The following SHB variants were observed in gnomAD, a reference collection of about 807,000 sequenced individuals.
SHB encodes the protein SH2 domain containing adaptor protein B, also known as SH2 domain-containing adapter protein B.
A neutral mutation model predicts 52.3 loss-of-function variants in SHB; 20 were observed. That is an observed-to-expected ratio of 0.38 (90% CI 0.27 to 0.56). The LOEUF (loss-of-function observed/expected upper bound fraction) is 0.56. Among genes scored for constraint, SHB ranks in the 20% least tolerant of loss-of-function variants. The probability of loss-of-function intolerance (pLI) is 0.71; values close to 1 mark genes in which losing one functional copy is unlikely to be tolerated. For missense variants in SHB, 825 were observed against 723.3 expected, an observed-to-expected ratio of 1.14 and a Z score of -1.61; for synonymous variants, 397 against 316.5, an observed-to-expected ratio of 1.25 and a Z score of -2.70.
intron 1 of SHB, among the ~76,000 whole-genome samples, chr9:38,057,088 G>C (rs1280041410): frequency 6.6e-6 from 1 of 152,088 alleles, no homozygotes; most frequent in African/African-American, 2.4e-5. Context: ...TCAACCCCAA[G>C]GAAATAATCA....
intron 1 of SHB, among the ~76,000 whole-genome samples, chr9:38,046,694 G>A (rs1821656643): frequency 6.6e-6 from 1 of 152,254 alleles, no homozygotes; most frequent in Non-Finnish European, 1.5e-5. Flanking sequence ...GGAAGGAATT[G>A]AAATCGCAAT....
intron 2 of SHB, among the ~76,000 whole-genome samples, chr9:37,984,554 G>A (rs899949170): frequency 6.6e-6 from 1 of 152,138 alleles, no homozygotes; most frequent in Non-Finnish European, 1.5e-5. Context: ...GGGCTCTCCT[G>A]GCCTTTTCCA....
intron 5 of SHB, among the ~76,000 whole-genome samples, chr9:37,921,306 C>G (rs1370196820): frequency 3.3e-5 from 5 of 152,180 alleles, no homozygotes; most frequent in Non-Finnish European, 5.9e-5. Flanking sequence ...TCCGCTCCAG[C>G]TCCGCCCCTA....
chr9:37,966,119 G>A (rs1251982489), intron 3 of SHB, among the ~76,000 whole-genome samples: 2 of 152,162 alleles, frequency 1.3e-5, no homozygotes, highest in Non-Finnish European at 2.9e-5. Flanking sequence ...GATTACAGGC[G>A]TAAGCCACTG....
chr9:38,053,494 C>T (rs1821778450), intron 1 of SHB, among the ~76,000 whole-genome samples: 1 of 152,178 alleles, frequency 6.6e-6, no homozygotes, highest in Admixed American at 6.5e-5. Context: ...ACCCCAGTCT[C>T]CCAAAGTGCT....
At chr9:37,979,928 A>T (rs923942918) in intron 2 of SHB, among the ~76,000 whole-genome samples, 1 of 152,250 alleles carries the variant, frequency 6.6e-6, no homozygotes, top group African/African-American at 2.4e-5. Context: ...AAAAAAATGT[A>T]GAACCTTAAT....
chr9:37,960,576 G>C (rs1045374694), intron 3 of SHB, among the ~76,000 whole-genome samples: 2 of 152,146 alleles, frequency 1.3e-5, no homozygotes, highest in Non-Finnish European at 2.9e-5. Flanking sequence ...GAGAGAGGCT[G>C]GTCAATGTTT....
chr9:37,976,465 T>A (rs1820654496), intron 2 of SHB, among the ~76,000 whole-genome samples: 3 of 152,192 alleles, frequency 2.0e-5, no homozygotes, highest in African/African-American at 7.2e-5. Context: ...CCTGTACCCA[T>A]TAAACACTAA....
intron 5 of SHB, among the ~76,000 whole-genome samples, chr9:37,920,903 G>C (rs192693250): frequency 3.9e-4 from 60 of 152,276 alleles, no homozygotes; most frequent in Non-Finnish European, 7.4e-4. Flanking sequence ...AAAAGCAGTG[G>C]GTGGGTTTCT....
At chr9:38,010,405 T>A (rs1467553051) in intron 2 of SHB, among the ~76,000 whole-genome samples, 1 of 152,158 alleles carries the variant, frequency 6.6e-6, no homozygotes, top group East Asian at 1.9e-4. Context: ...TGCCTTTAGG[T>A]TAACTTGGGC....
At chr9:37,954,441 A>G (rs2117908637) in intron 4 of SHB, among the ~76,000 whole-genome samples, 1 of 152,116 alleles carries the variant, frequency 6.6e-6, no homozygotes, top group South Asian at 2.1e-4. Flanking sequence ...TGCCTACTCC[A>G]TACCAGGCAA....
chr9:37,938,276 C>T (rs1212467927), intron 5 of SHB, among the ~76,000 whole-genome samples: 2 of 152,106 alleles, frequency 1.3e-5, no homozygotes, highest in Non-Finnish European at 2.9e-5. Context: ...TGGTGGGATT[C>T]AGGCTGTAAT....
intron 5 of SHB, among the ~76,000 whole-genome samples, chr9:37,934,292 C>T (rs1371242311): frequency 6.6e-6 from 1 of 152,076 alleles, no homozygotes; most frequent in African/African-American, 2.4e-5. Context: ...TGCATGGGGC[C>T]GAGAGCTTTT....
At chr9:38,063,439 C>T (rs1160721343) in intron 1 of SHB, among the ~76,000 whole-genome samples, 2 of 152,238 alleles carry the variant, frequency 1.3e-5, no homozygotes, top group African/African-American at 4.8e-5. Context: ...CCTCTCCAGC[C>T]TCCAGGCCAT....
intron 5 of SHB, among the ~76,000 whole-genome samples, chr9:37,941,590 A>C (rs1016000825): frequency 2.0e-5 from 3 of 152,206 alleles, no homozygotes; most frequent in Non-Finnish European, 4.4e-5. Context: ...TGAGGCAAGC[A>C]GTACTGTACC....
chr9:37,953,433 T>TA (rs1225113088), intron 4 of SHB, among the ~76,000 whole-genome samples: 1 of 151,990 alleles, frequency 6.6e-6, no homozygotes, highest in Non-Finnish European at 1.5e-5. Context: ...TTTTTTTTTT[T>TA]ACTTATGTTG....
chr9:37,931,073 T>C (rs922270842), intron 5 of SHB, among the ~76,000 whole-genome samples: 6 of 152,124 alleles, frequency 3.9e-5, no homozygotes, highest in Non-Finnish European at 8.8e-5. Context: ...TGCAAAAGAA[T>C]GAAACTGGAC....
intron 2 of SHB, among the ~76,000 whole-genome samples, chr9:37,991,201 A>G (rs1201186099): frequency 1.3e-5 from 2 of 152,190 alleles, no homozygotes; most frequent in East Asian, 1.9e-4. Context: ...GTTCTACATT[A>G]ACCCCTAGGA....
chr9:37,948,566 A>T (rs1832521032), intron 5 of SHB, 69 bp downstream of exon 5: 31 of 1,583,534 alleles, frequency 2.0e-5, no homozygotes, highest in Non-Finnish European at 2.7e-5. Flanking sequence ...TTTCTGCCAC[A>T]GACACGGTGG....
Sources: gnomAD v4.1 joint callset for allele counts (sites outside exome capture counted in the v4.1 genomes callset) on GRCh38, gnomAD v4.1.1 for gene constraint, MANE v1.5 for transcripts, NCBI Gene and HGNC (gene_info 2026-07-23, HGNC 2026-07-21) for gene names.